The following COL4A4 variants were observed in gnomAD, a reference collection of about 807,000 sequenced individuals.
COL4A4 encodes collagen alpha-4(IV) chain.
COL4A4 carries 105 observed loss-of-function variants against 192.9 expected under a neutral mutation model. The observed-to-expected ratio is 0.54, with a 90% CI of 0.46 to 0.64. The LOEUF is 0.64. Ranked by LOEUF, COL4A4 falls within the 30% of genes least tolerant of loss-of-function variation. COL4A4 has a pLI of 0.00. For synonymous variants in COL4A4, 762 were observed against 769.9 expected, an observed-to-expected ratio of 0.99 and a Z score of 0.17; for missense variants, 1,967 against 2,169.3, an observed-to-expected ratio of 0.91 and a Z score of 1.85.
At chr2:227,143,754 A>C (rs957009172) in intron 3 of COL4A4, among the ~76,000 whole-genome samples, 13 of 152,222 alleles carry the variant, frequency 8.5e-5, no homozygotes, top group Admixed American at 3.9e-4. Context: ...ATGTCAACAA[A>C]GTCGGGCAAG....
In COL4A4 at chr2:227,111,868, G is replaced by A. The variant is rs55709703; in HGVS notation, c.559-155C>T. Among the ~76,000 whole-genome samples, 3,794 of 152,224 alleles carry A rather than the reference G, an allele frequency of 0.025. 149 individuals carry two copies. Among genetic ancestry groups the A allele is most frequent in the African/African-American group, 0.085 (3,549 of 41,510 alleles). On this transcript the variant is annotated intron_variant, in intron 8 of 47. Transcript: ENST00000396625. ...GACTAAAATTGAGGAAGGGATATGCGGAGGTGATTTTCCTTCTCCTTAAGC... is the reference window on the plus strand; with the variant it reads ...GACTAAAATTGAGGAAGGGATATGCAGAGGTGATTTTCCTTCTCCTTAAGC...
Position 227,022,129 on chromosome 2 carries a change from G to A in COL4A4, c.4135C>T (p.Pro1379Ser). ...PADVDDCPRIPGLPGAPGMRG... is the reference protein window; with the variant it reads ...PADVDDCPRISGLPGAPGMRG... Reference sequence around the variant, plus strand: ...ATGCCTGGCGCCCCAGGAAGGCCTGGGATTCGGGGACAGTCATCCACATCT... The same window carrying A: ...ATGCCTGGCGCCCCAGGAAGGCCTGAGATTCGGGGACAGTCATCCACATCT... The change falls in exon 44 of 48, where the codon CCA becomes TCA. Residue 1379 changes from proline to serine, a missense_variant. Pro to Ser is a moderately conservative substitution (Grantham distance 74). Transcript: ENST00000396625. 6.2e-7 allele frequency: 1 copy of A among 1,614,094 alleles called. No homozygotes were observed. The highest frequency in any genetic ancestry group is 8.5e-7 in the Non-Finnish European group (1 of 1,180,030).
chr2:227,158,435 G>C (rs995805138), intron 1 of COL4A4, among the ~76,000 whole-genome samples: 14 of 151,910 alleles, frequency 9.2e-5, no homozygotes, highest in Non-Finnish European at 2.1e-4. Context: ...GAGTTCTCAG[G>C]TAACAAGAAA....
intron 37 of COL4A4, among the ~76,000 whole-genome samples, chr2:227,038,343 T>C (rs1970103894): frequency 6.6e-6 from 1 of 152,202 alleles, no homozygotes; most frequent in Non-Finnish European, 1.5e-5. Context: ...CCATTGCTTG[T>C]TTTTGTCAGG....
intron 24 of COL4A4, among the ~76,000 whole-genome samples, chr2:227,078,583 G>A (rs750811665): frequency 1.3e-5 from 2 of 152,200 alleles, no homozygotes; most frequent in Non-Finnish European, 2.9e-5. Flanking sequence ...ATAAGCATGT[G>A]TGTTAAGCCT....
intron 31 of COL4A4, among the ~76,000 whole-genome samples, chr2:227,053,798 G>A (rs369745788): frequency 1.6e-4 from 24 of 151,866 alleles, no homozygotes; most frequent in African/African-American, 5.6e-4. Context: ...TGCCCGTCTC[G>A]GCCTCCCAAA....
intron 1 of COL4A4, among the ~76,000 whole-genome samples, chr2:227,155,486 GA>G (rs1659543006): frequency 6.6e-6 from 1 of 152,144 alleles, no homozygotes; most frequent in South Asian, 2.1e-4. Flanking sequence ...ATGACATCTT[GA>G]TTCAGAGTAT....
chr2:227,002,460 T>A (rs1226357332), downstream of COL4A4, among the ~76,000 whole-genome samples: 3 of 152,208 alleles, frequency 2.0e-5, no homozygotes, highest in Non-Finnish European at 4.4e-5. Flanking sequence ...CACTGACCAC[T>A]GCCCAAGCAG....
At chr2:226,987,849 C>A in the COL4A4 span, among the ~76,000 whole-genome samples, 2 of 152,216 alleles carry the variant, frequency 1.3e-5, no homozygotes, top group African/African-American at 2.4e-5. Context: ...CTTACTGCAT[C>A]AGAATCTGTG....
At chr2:227,008,538 G>C (rs1962747880) in intron 46 of COL4A4, among the ~76,000 whole-genome samples, 1 of 152,184 alleles carries the variant, frequency 6.6e-6, no homozygotes, top group African/African-American at 2.4e-5. Context: ...CTGGAGGTGG[G>C]CACCAAGCAC....
At chr2:227,129,913 A>G (rs1249547732) in intron 4 of COL4A4, among the ~76,000 whole-genome samples, 2 of 152,148 alleles carry the variant, frequency 1.3e-5, no homozygotes, top group African/African-American at 4.8e-5. Flanking sequence ...TTAATCCATT[A>G]TTATTATCAT....
chr2:227,057,741 G>T, intron 28 of COL4A4, 141 bp from the exon 29 acceptor site: 1 of 848,152 alleles, frequency 1.2e-6, no homozygotes, highest in Admixed American at 2.0e-5. Flanking sequence ...TCTTTGAGTG[G>T]ATTTTCTTAT....
intron 37 of COL4A4, among the ~76,000 whole-genome samples, chr2:227,041,848 G>GAAAGAAAGAAAGAAAGAGAGAGAA: frequency 2.6e-5 from 1 of 38,736 alleles, no homozygotes; most frequent in South Asian, 9.4e-4. Context: ...AAGAAAGAAA[G>GAAAGAAAGAAAGAAAGAGAGAGAA]AGAAAGAAAG....
chr2:227,151,745 T>C (rs550268438), intron 1 of COL4A4, among the ~76,000 whole-genome samples: 1 of 152,204 alleles, frequency 6.6e-6, no homozygotes, highest in East Asian at 1.9e-4. Flanking sequence ...CAGAATGAGG[T>C]GAGTGCCCTT....
intron 1 of COL4A4, among the ~76,000 whole-genome samples, chr2:227,161,701 T>C (rs551856716): frequency 2.0e-5 from 3 of 152,242 alleles, no homozygotes; most frequent in Admixed American, 2.0e-4. Context: ...TGGGATCTGA[T>C]TCAGTGGATC....
In COL4A4 at chr2:227,146,746, C is replaced by A. The variant is rs142700021; in HGVS notation, c.71+667G>T. ...CTGCCCACATTCCTTGGCTCCTGGT[C>A]CCCCTCAACCTTCAGAGCCAGCAGT... On this transcript the variant is annotated intron_variant, in intron 2 of 47. Coordinates refer to ENST00000396625, the MANE Select transcript of COL4A4 (RefSeq NM_000092.5). Among the ~76,000 whole-genome samples the A allele has an allele frequency of 5.1e-3, 776 of 152,266 alleles. 4 individuals carry two copies. The highest frequency in any genetic ancestry group is 8.0e-3 in the Non-Finnish European group (545 of 68,020).
At chr2:227,103,262 T>C in intron 13 of COL4A4, 65 bp from the exon 14 acceptor site, 1 of 1,231,102 alleles carries the variant, frequency 8.1e-7, no homozygotes, top group Non-Finnish European at 1.2e-6. Context: ...TTCCATCTCC[T>C]TCAGAAATCA....
At chr2:226,968,888 T>C in the COL4A4 span, 1 of 152,262 alleles carries the variant, frequency 6.6e-6, no homozygotes, top group African/African-American at 2.4e-5. Context: ...GTACTTGTCA[T>C]AACTGTCCTC....
chr2:226,993,422 A>C, the COL4A4 span, among the ~76,000 whole-genome samples: 1 of 152,340 alleles, frequency 6.6e-6, no homozygotes, highest in South Asian at 2.1e-4. Context: ...AGTGCAATTA[A>C]GACCAGTCTT....
Sources: gnomAD v4.1 joint callset for allele counts (sites outside exome capture counted in the v4.1 genomes callset) on GRCh38, gnomAD v4.1.1 for gene constraint, MANE v1.5 for transcripts, NCBI Gene and HGNC (gene_info 2026-07-23, HGNC 2026-07-21) for gene names.